KLF12: variants seen among roughly 807,000 people sequenced by gnomAD.
The protein encoded by KLF12 is KLF transcription factor 12.
Under a neutral mutation model 37.8 loss-of-function variants are expected in KLF12, and 9 were observed. The ratio of observed to expected loss-of-function variants is 0.24; its 90% CI spans 0.14 to 0.42. The LOEUF is 0.42. Ranked by LOEUF, KLF12 falls within the 10% of genes least tolerant of loss-of-function variation. KLF12 has a pLI of 1.00. For missense variants in KLF12, 411 were observed against 516.0 expected, an observed-to-expected ratio of 0.80 and a Z score of 1.97; for synonymous variants, 208 against 202.1, an observed-to-expected ratio of 1.03 and a Z score of -0.25.
the KLF12 span, among the ~76,000 whole-genome samples, chr13:74,153,423 C>A: frequency 1.3e-5 from 2 of 152,194 alleles, no homozygotes; most frequent in African/African-American, 4.8e-5. Flanking sequence ...TGTGCTTGTT[C>A]AGTCCATCAA....
chr13:73,872,675 C>A (rs1034676874), intron 3 of KLF12, among the ~76,000 whole-genome samples: 1 of 152,196 alleles, frequency 6.6e-6, no homozygotes, highest in African/African-American at 2.4e-5. Context: ...GAATCCAGTT[C>A]TTTGGTGCCA....
chr13:73,887,931 G>A (rs1281288940), intron 3 of KLF12, among the ~76,000 whole-genome samples: 1 of 152,046 alleles, frequency 6.6e-6, no homozygotes, highest in African/African-American at 2.4e-5. Flanking sequence ...ATGCTCTTTT[G>A]TAAATCTGTT....
At chr13:74,181,216 A>G in the KLF12 span, among the ~76,000 whole-genome samples, 4 of 151,414 alleles carry the variant, frequency 2.6e-5, no homozygotes, top group Non-Finnish European at 5.9e-5. Flanking sequence ...GCCAGGCTGG[A>G]CTCGAACTCC....
At chr13:73,706,148 C>T (rs1485630885) in intron 7 of KLF12, among the ~76,000 whole-genome samples, 4 of 152,036 alleles carry the variant, frequency 2.6e-5, no homozygotes, top group African/African-American at 7.3e-5. Context: ...AGTGAGACTC[C>T]ATCTCAAAAC....
At chr13:74,087,717 T>A (rs1189061969) in intron 1 of KLF12, among the ~76,000 whole-genome samples, 1 of 152,122 alleles carries the variant, frequency 6.6e-6, no homozygotes, top group Non-Finnish European at 1.5e-5. Flanking sequence ...GTTTTGTTAT[T>A]TGGAAACCAG....
At chr13:74,090,122 T>C (rs1237674978) in intron 1 of KLF12, among the ~76,000 whole-genome samples, 3 of 151,998 alleles carry the variant, frequency 2.0e-5, no homozygotes, top group Non-Finnish European at 4.4e-5. Context: ...TATACAAAAA[T>C]CAATACACCT....
At chr13:74,102,469 G>A (rs113608498) in intron 1 of KLF12, among the ~76,000 whole-genome samples, 15 of 151,938 alleles carry the variant, frequency 9.9e-5, no homozygotes, top group African/African-American at 3.4e-4. Flanking sequence ...AGGCTGAGGC[G>A]AGCGGATCAC....
chr13:73,948,142 A>G (rs1158939966), intron 2 of KLF12, among the ~76,000 whole-genome samples: 4 of 152,182 alleles, frequency 2.6e-5, no homozygotes, highest in African/African-American at 9.7e-5. Context: ...CCCCACATCT[A>G]CATTATGCTA....
intron 1 of KLF12, among the ~76,000 whole-genome samples, chr13:74,110,007 T>C (rs984218303): frequency 7.2e-5 from 11 of 152,188 alleles, no homozygotes; most frequent in African/African-American, 2.7e-4. Context: ...ATTGAAATGA[T>C]GTGGGACTAA....
At chr13:74,053,426 C>T (rs1044845558) in intron 1 of KLF12, among the ~76,000 whole-genome samples, 1 of 152,168 alleles carries the variant, frequency 6.6e-6, no homozygotes, top group South Asian at 2.1e-4. Flanking sequence ...CAGGCACTGT[C>T]CTAAGTCCTT....
At chr13:73,758,232 A>C (rs1879310320) in intron 6 of KLF12, among the ~76,000 whole-genome samples, 1 of 152,124 alleles carries the variant, frequency 6.6e-6, no homozygotes, top group South Asian at 2.1e-4. Context: ...ACAACTTTAA[A>C]AGGAAGAGGT....
intron 1 of KLF12, among the ~76,000 whole-genome samples, chr13:74,006,815 C>T (rs1296048712): frequency 1.3e-5 from 2 of 152,152 alleles, no homozygotes; most frequent in African/African-American, 4.8e-5. Context: ...TGCAATTTTC[C>T]TTTGCCACCT....
chr13:74,080,970 A>G (rs1304826259), intron 1 of KLF12, among the ~76,000 whole-genome samples: 2 of 152,200 alleles, frequency 1.3e-5, no homozygotes, highest in African/African-American at 4.8e-5. Context: ...CACTGACAGC[A>G]GCTCTACCTG....
chr13:73,915,664 C>T (rs994900052), intron 3 of KLF12, among the ~76,000 whole-genome samples: 1 of 151,202 alleles, frequency 6.6e-6, no homozygotes, highest in Non-Finnish European at 1.5e-5. Flanking sequence ...AGGCACCTGC[C>T]ACCACGCCCA....
At chr13:74,295,068 C>A in the KLF12 span, among the ~76,000 whole-genome samples, 15,799 of 152,194 alleles carry the variant, frequency 0.1, 1,160 homozygotes, top group African/African-American at 0.19. Context: ...CATTGGGCAA[C>A]TTGCTTAACT....
In KLF12 at chr13:73,944,020, TGCCG is replaced by T; in HGVS notation, c.80_83del (p.Pro27GlnfsTer31). 1 of 1,613,284 alleles carries T rather than the reference TGCCG, an allele frequency of 6.2e-7. No homozygotes were observed. The highest frequency in any genetic ancestry group is 1.1e-5 in the South Asian group (1 of 91,074). On this transcript the variant is annotated frameshift_variant, in exon 3 of 8. Coordinates refer to ENST00000377669, the MANE Select transcript of KLF12 (RefSeq NM_007249.5). LOFTEE classifies it high-confidence loss of function. ...CCAAAAGCTCTGTTTTGACTCTGAC[TGCCG>T]GCATCCCATCAAGCATTAACATTCT...
intron 2 of KLF12, among the ~76,000 whole-genome samples, chr13:73,950,801 C>T (rs182875460): frequency 2.8e-4 from 43 of 152,228 alleles, no homozygotes; most frequent in African/African-American, 1.0e-3. Context: ...GGTTTGATGT[C>T]AGGTAAAGAA....
At chr13:74,278,364 T>G in the KLF12 span, among the ~76,000 whole-genome samples, 2 of 152,314 alleles carry the variant, frequency 1.3e-5, no homozygotes, top group South Asian at 4.1e-4. Context: ...TCTGGCCCAG[T>G]GGAAACTGTC....
the KLF12 span, among the ~76,000 whole-genome samples, chr13:74,152,694 G>A: frequency 6.6e-6 from 1 of 151,886 alleles, no homozygotes; most frequent in African/African-American, 2.4e-5. Context: ...ACAAGCCTGG[G>A]CAACATGGTG....
Sources: gnomAD v4.1 joint callset for allele counts (sites outside exome capture counted in the v4.1 genomes callset) on GRCh38, gnomAD v4.1.1 for gene constraint, MANE v1.5 for transcripts, NCBI Gene and HGNC (gene_info 2026-07-23, HGNC 2026-07-21) for gene names.